The following SERPINB7 variants were observed in gnomAD, a reference collection of about 807,000 sequenced individuals.
SERPINB7 encodes the protein serpin family B member 7, also known as serpin B7.
A neutral mutation model predicts 37.4 loss-of-function variants in SERPINB7; 31 were observed. The observed-to-expected ratio is 0.83, with a 90% CI of 0.62 to 1.12. SERPINB7 has a LOEUF of 1.12. Ranked by LOEUF, SERPINB7 falls within the 50% of genes most tolerant of loss-of-function variation. The pLI is 0.00. For synonymous variants in SERPINB7, 163 were observed against 166.1 expected (o/e 0.98, Z 0.14); for missense variants, 521 against 455.3 (o/e 1.14, Z -1.31).
intron 1 of SERPINB7, chr18:63,777,905 C>CACACAT (rs2049265049): frequency 6.7e-6 from 1 of 149,912 alleles, no homozygotes; most frequent in Admixed American, 6.7e-5. Context: ...CACACACACA[C>CACACAT]ACACACACAC....
At position 63,792,377 on chromosome 18, in the gene SERPINB7, T is replaced by C; in HGVS notation, c.169-16T>C. On this transcript the variant is annotated splice_polypyrimidine_tract_variant and intron_variant, in intron 2 of 7. Transcript: ENST00000398019. ...CTCTGATTCTAATGATTGCTTTCCT[T>C]GTGCCCTGTTTACAGTTGCTTCATG... 6.3e-7 allele frequency: 1 copy of C among 1,583,254 alleles called. No homozygotes were observed. Among genetic ancestry groups the C allele is most frequent in the Non-Finnish European group, 8.7e-7 (1 of 1,152,452 alleles).
At chr18:63,757,721 A>T (rs2049129776) in intron 1 of SERPINB7, among the ~76,000 whole-genome samples, 1 of 152,244 alleles carries the variant, frequency 6.6e-6, no homozygotes, top group African/African-American at 2.4e-5. Context: ...GAAAAAGTTG[A>T]CCAATCTCTG....
At chr18:63,770,506 CATT>C (rs998660789), upstream of SERPINB7, among the ~76,000 whole-genome samples, 9 of 151,610 alleles carry the variant, frequency 5.9e-5, no homozygotes, top group Non-Finnish European at 8.8e-5. Flanking sequence ...AAGCTATTGT[CATT>C]ATTATTATTA....
intron 1 of SERPINB7, among the ~76,000 whole-genome samples, chr18:63,769,343 T>G (rs2049197519): frequency 6.6e-6 from 1 of 152,150 alleles, no homozygotes. Context: ...TATTACTATC[T>G]ATTTTCTATT....
intron 2 of SERPINB7, among the ~76,000 whole-genome samples, chr18:63,786,951 T>A (rs538814118): frequency 6.6e-6 from 1 of 152,164 alleles, no homozygotes; most frequent in African/African-American, 2.4e-5. Flanking sequence ...TGTTTTGGAT[T>A]TTGGATTTTT....
intron 1 of SERPINB7, among the ~76,000 whole-genome samples, chr18:63,754,113 T>C (rs1436265512): frequency 6.6e-6 from 1 of 152,232 alleles, no homozygotes; most frequent in African/African-American, 2.4e-5. Flanking sequence ...GGGTTTTTAA[T>C]GCTAATATAT....
intron 2 of SERPINB7, among the ~76,000 whole-genome samples, chr18:63,791,331 G>C (rs116474919): frequency 0.034 from 5,115 of 152,190 alleles, 107 homozygotes; most frequent in South Asian, 0.062. Flanking sequence ...ATGACATAGA[G>C]TTTTAGAGCC....
chr18:63,766,568 C>T (rs543134979), intron 1 of SERPINB7, among the ~76,000 whole-genome samples: 2 of 152,182 alleles, frequency 1.3e-5, no homozygotes, highest in East Asian at 3.9e-4. Context: ...CACTTGAAGG[C>T]TAAACTTTTG....
chr18:63,796,144 C>A (rs2049485309), intron 4 of SERPINB7, 122 bp from the exon 5 acceptor site: 2 of 573,852 alleles, frequency 3.5e-6, no homozygotes, highest in South Asian at 4.6e-5. Flanking sequence ...TTTACATACT[C>A]ATTTTTGAGG....
chr18:63,788,650 C>T lies in SERPINB7; in HGVS notation c.169-3743C>T, dbSNP rs542453974. ...TAGGCCTTCACACTCATTAGTCACT[C>T]GCTGACTCACCCAGTGCCACTTCCT... On this transcript the variant is annotated intron_variant, in intron 2 of 7. Transcript: ENST00000398019. 4.4e-4 allele frequency among the ~76,000 whole-genome samples: 67 copies of T among 152,310 alleles called. No individual in the cohort carries two copies. In the South Asian group the frequency reaches 0.013, roughly 29 times the overall value.
In SERPINB7 at chr18:63,804,701, T is replaced by C. The variant is rs187809453; in HGVS notation, c.*66T>C. ...AAAGAACCACCACAAGTCAATAGAT[T>C]TGAGTTTAATTGGAAAAATGTGGTG... On this transcript the variant is annotated 3_prime_UTR_variant, in exon 8 of 8. Transcript: ENST00000398019. The C allele has an allele frequency of 2.8e-4, 407 of 1,437,884 alleles. 3 individuals carry two copies. The African/African-American group carries it at 5.6e-3, about 20-fold the overall frequency. The allele number at this position is 1,437,884 out of a possible 1,614,324, so 89.1% of individuals were successfully genotyped here.
chr18:63,773,567 T>G (rs1376445802), upstream of SERPINB7, among the ~76,000 whole-genome samples: 2 of 152,138 alleles, frequency 1.3e-5, no homozygotes, highest in Non-Finnish European at 2.9e-5. Flanking sequence ...TAATCCTGAA[T>G]TAATCCCTAG....
intron 1 of SERPINB7, among the ~76,000 whole-genome samples, chr18:63,761,869 T>A (rs563090387): frequency 1.5e-3 from 230 of 152,192 alleles, no homozygotes; most frequent in Non-Finnish European, 2.9e-3. Flanking sequence ...CTCAGGTATG[T>A]CTTTATCAGC....
chr18:63,783,228 G>GAGAGAA (rs2049327188), intron 2 of SERPINB7, among the ~76,000 whole-genome samples: 1 of 47,326 alleles, frequency 2.1e-5, no homozygotes, highest in South Asian at 8.8e-4. Context: ...GAGAGAGAGA[G>GAGAGAA]AGAGAGAAAG....
intron 1 of SERPINB7, among the ~76,000 whole-genome samples, chr18:63,763,519 T>G (rs1391433146): frequency 6.6e-6 from 1 of 152,224 alleles, no homozygotes; most frequent in Non-Finnish European, 1.5e-5. Context: ...TTTAAAATAA[T>G]TCTGATGAAG....
intron 1 of SERPINB7, among the ~76,000 whole-genome samples, chr18:63,760,066 A>G (rs1447044465): frequency 2.6e-5 from 4 of 152,302 alleles, no homozygotes; most frequent in Admixed American, 6.5e-5. Flanking sequence ...AATAGTTTGG[A>G]GGGCTCAGAA....
chr18:63,784,166 G>A (rs78899253), intron 2 of SERPINB7, among the ~76,000 whole-genome samples: 2 of 152,158 alleles, frequency 1.3e-5, no homozygotes, highest in Non-Finnish European at 2.9e-5. Flanking sequence ...TTATGGAGGG[G>A]TGACCATACT....
Position 63,793,242 on chromosome 18 carries a change from G to T in SERPINB7, c.301G>T (p.Gly101Trp), listed in dbSNP as rs372956624. Residue 101 changes from glycine (G) to tryptophan (W), a missense_variant, in exon 4 of 8, where the codon GGG (glycine) becomes TGG (tryptophan). Gly to Trp is a radical substitution (Grantham distance 184). Coordinates refer to ENST00000398019, the MANE Select transcript of SERPINB7 (RefSeq NM_003784.4). ...GGATTATGATCTCAGCATTGTGAAT[G>T]GGCTTTTTGCTGAAAAAGTGTATGG... ...HKDYDLSIVN[G>W]LFAEKVYGFH... 139 of 1,605,520 alleles carry T rather than the reference G, an allele frequency of 8.7e-5. No individual in the cohort carries two copies. Among genetic ancestry groups the T allele is most frequent in the Non-Finnish European group, 1.1e-4 (133 of 1,174,964 alleles).
At chr18:63,801,057 A>G (rs1331817751) in intron 7 of SERPINB7, 45 bp downstream of exon 7, 4 of 1,592,446 alleles carry the variant, frequency 2.5e-6, no homozygotes, top group South Asian at 2.2e-5. Flanking sequence ...TAAGACTTTT[A>G]GGATACTGTT....
Sources: allele counts gnomAD v4.1 joint callset (sites outside exome capture counted in the v4.1 genomes callset), GRCh38; gene constraint gnomAD v4.1.1; transcripts MANE v1.5; gene names NCBI Gene and HGNC (gene_info 2026-07-23, HGNC 2026-07-21).